LRGUK: variants seen among roughly 807,000 people sequenced by gnomAD.
The protein encoded by LRGUK is leucine rich repeats and guanylate kinase domain containing, also known as leucine-rich repeat and guanylate kinase domain-containing protein.
LRGUK carries 65 observed loss-of-function variants against 76.0 expected under a neutral mutation model. The observed-to-expected ratio is 0.85, with a 90% CI of 0.70 to 1.05. The LOEUF (loss-of-function observed/expected upper bound fraction) is 1.05, where lower values mean the gene tolerates loss of function less well. LRGUK is among the 50% of genes least tolerant of loss of function. LRGUK has a pLI of 0.00. For synonymous variants in LRGUK, 268 were observed against 265.6 expected (o/e 1.01, Z -0.09); for missense variants, 758 against 732.8 (o/e 1.03, Z -0.40).
downstream of LRGUK, among the ~76,000 whole-genome samples, chr7:134,266,774 C>T (rs1368395015): frequency 6.6e-6 from 1 of 151,954 alleles, no homozygotes; most frequent in Non-Finnish European, 1.5e-5. Context: ...TTGGCAAAAG[C>T]CAAAAACCTA....
At chr7:134,162,967 C>G (rs1450129464) in intron 6 of LRGUK, among the ~76,000 whole-genome samples, 2 of 151,622 alleles carry the variant, frequency 1.3e-5, no homozygotes, top group Non-Finnish European at 2.9e-5. Flanking sequence ...TAGGGTGTTT[C>G]TGAAAACAAA....
chr7:134,173,012 A>T (rs577880327), intron 7 of LRGUK, among the ~76,000 whole-genome samples: 5 of 151,894 alleles, frequency 3.3e-5, no homozygotes, highest in Admixed American at 6.6e-5. Flanking sequence ...AATAAATAAA[A>T]AAGAATAAGA....
At chr7:134,243,931 G>A (rs1802227670) in intron 16 of LRGUK, among the ~76,000 whole-genome samples, 1 of 152,134 alleles carries the variant, frequency 6.6e-6, no homozygotes, top group Non-Finnish European at 1.5e-5. Context: ...TGACAAACCT[G>A]ACAAAAACAA....
At chr7:134,202,709 G>A (rs1039757450) in intron 15 of LRGUK, among the ~76,000 whole-genome samples, 3 of 152,214 alleles carry the variant, frequency 2.0e-5, no homozygotes, top group Non-Finnish European at 4.4e-5. Context: ...GACAGCTATT[G>A]TATGATTCCA....
chr7:134,132,574 C>T (rs1289369980), intron 1 of LRGUK, among the ~76,000 whole-genome samples: 1 of 152,090 alleles, frequency 6.6e-6, no homozygotes, highest in East Asian at 1.9e-4. Flanking sequence ...GCAAACAACT[C>T]TAGAGTAGAT....
At chr7:134,221,672 G>C in intron 15 of LRGUK, 107 bp from the exon 16 acceptor site, 1 of 739,468 alleles carries the variant, frequency 1.4e-6, no homozygotes, top group East Asian at 3.2e-5. Context: ...CACATTTTAA[G>C]TATCCAGCTT....
At chr7:134,248,632 C>G (rs527899656) in intron 17 of LRGUK, among the ~76,000 whole-genome samples, 13 of 152,222 alleles carry the variant, frequency 8.5e-5, no homozygotes, top group African/African-American at 3.1e-4. Context: ...ACTTTTATAG[C>G]AGTTGATATA....
chr7:134,246,822 C>A (rs988914467), intron 16 of LRGUK, among the ~76,000 whole-genome samples: 1 of 152,168 alleles, frequency 6.6e-6, no homozygotes, highest in African/African-American at 2.4e-5. Context: ...GTTAATTTAT[C>A]TTTTCTGTAA....
chr7:134,268,717 C>CTTTTTT (rs71531815), downstream of LRGUK, among the ~76,000 whole-genome samples: 59 of 57,354 alleles, frequency 1.0e-3, 7 homozygotes, highest in Admixed American at 2.3e-3. Context: ...TGCAAAAAAT[C>CTTTTTT]TTTTTTTTTT....
chr7:134,135,478 TA>T (rs1797485464), intron 1 of LRGUK, among the ~76,000 whole-genome samples: 1 of 152,226 alleles, frequency 6.6e-6, no homozygotes, highest in South Asian at 2.1e-4. Flanking sequence ...CAGCTCAAAA[TA>T]ATCAATATAC....
chr7:134,221,759 T>C lies in LRGUK; in HGVS notation c.1844-20T>C, dbSNP rs776054693. On this transcript the variant is annotated intron_variant, in intron 15 of 19. Coordinates refer to the LRGUK transcript ENST00000285928. ...TCCTTTATGACTTTTATTTTAAACT[T>C]TATTTTTTTTTCCTACCAGATGTTA... The C allele has an allele frequency of 1.4e-6, 2 of 1,466,232 alleles. No individual in the cohort carries two copies. The highest frequency in any genetic ancestry group is 9.0e-7 in the Non-Finnish European group (1 of 1,111,574). The allele number at this position is 1,466,232 out of a possible 1,614,324, so 90.8% of individuals were successfully genotyped here.
chr7:134,236,302 T>G (rs1415113524), intron 16 of LRGUK, among the ~76,000 whole-genome samples: 7 of 152,172 alleles, frequency 4.6e-5, no homozygotes, highest in Non-Finnish European at 7.4e-5. Context: ...CTTATATTCC[T>G]TTTTGGTTTT....
At chr7:134,159,530 C>T (rs1234016926) in intron 6 of LRGUK, among the ~76,000 whole-genome samples, 1 of 152,098 alleles carries the variant, frequency 6.6e-6, no homozygotes, top group Non-Finnish European at 1.5e-5. Flanking sequence ...GTGGCTTGCG[C>T]CTGTAATCCC....
intron 5 of LRGUK, among the ~76,000 whole-genome samples, chr7:134,151,608 C>T (rs749299200): frequency 3.9e-5 from 6 of 152,022 alleles, no homozygotes; most frequent in Non-Finnish European, 8.8e-5. Context: ...GCTTGTCTCA[C>T]TCATGATGTA....
intron 2 of LRGUK, 56 bp downstream of exon 2, chr7:134,137,186 A>G: frequency 1.5e-6 from 2 of 1,291,498 alleles, no homozygotes; most frequent in East Asian, 4.9e-5. Flanking sequence ...GCTAGACCAT[A>G]TTCATTTTCT....
intron 4 of LRGUK, among the ~76,000 whole-genome samples, chr7:134,144,425 C>T (rs1387004849): frequency 6.6e-6 from 1 of 152,274 alleles, no homozygotes; most frequent in East Asian, 1.9e-4. Flanking sequence ...AGGTGTAAGC[C>T]ACCACGCCTG....
chr7:134,232,601 A>G (rs1244763821), intron 16 of LRGUK, among the ~76,000 whole-genome samples: 2 of 152,142 alleles, frequency 1.3e-5, no homozygotes, highest in African/African-American at 4.8e-5. Flanking sequence ...TCCTAAGGTC[A>G]CTGGAGGTTT....
At chr7:134,219,742 CT>C (rs1393124480) in intron 15 of LRGUK, among the ~76,000 whole-genome samples, 1 of 152,100 alleles carries the variant, frequency 6.6e-6, no homozygotes, top group Non-Finnish European at 1.5e-5. Context: ...CTCAGCCACA[CT>C]GAATTCTTTA....
intron 6 of LRGUK, among the ~76,000 whole-genome samples, chr7:134,159,867 G>A (rs1798648714): frequency 6.6e-6 from 1 of 152,152 alleles, no homozygotes; most frequent in African/African-American, 2.4e-5. Context: ...TAAAGTATTG[G>A]CATCCCAGTA....
Sources: allele counts gnomAD v4.1 joint callset (sites outside exome capture counted in the v4.1 genomes callset), GRCh38; gene constraint gnomAD v4.1.1; transcripts MANE v1.5; gene names NCBI Gene and HGNC (gene_info 2026-07-23, HGNC 2026-07-21).